Variants in SERGEF observed in about 807,000 individuals in gnomAD.
The protein encoded by SERGEF is secretion-regulating guanine nucleotide exchange factor.
SERGEF carries 51 observed loss-of-function variants against 50.0 expected under a neutral mutation model. The observed-to-expected ratio is 1.02, with a 90% CI of 0.81 to 1.29. The LOEUF is 1.29. Among genes scored for constraint, SERGEF ranks in the 50% most tolerant of loss-of-function variants. The probability of loss-of-function intolerance (pLI) is 0.00; values close to 1 mark genes in which losing one functional copy is unlikely to be tolerated. For synonymous variants in SERGEF, 205 were observed against 212.4 expected, an observed-to-expected ratio of 0.97 and a Z score of 0.30; for missense variants, 521 against 557.0, an observed-to-expected ratio of 0.94 and a Z score of 0.65.
intron 9 of SERGEF, among the ~76,000 whole-genome samples, chr11:17,910,187 A>ACTCT (rs1341010777): frequency 1.6e-4 from 19 of 119,566 alleles, no homozygotes; most frequent in African/African-American, 5.8e-4. Flanking sequence ...ACACACACAC[A>ACTCT]CACACACTCT....
In SERGEF at chr11:17,930,504, C is replaced by T. The variant is rs549896392; in HGVS notation, c.1011+28966G>A. Among the ~76,000 whole-genome samples the T allele has an allele frequency of 3.3e-5, 5 of 152,304 alleles. No individual in the cohort carries two copies. In the East Asian group the frequency reaches 9.7e-4, roughly 29 times the overall value. On this transcript the variant is annotated intron_variant, in intron 9 of 10. Coordinates refer to ENST00000265965, the MANE Select transcript of SERGEF (RefSeq NM_012139.4). ...AGCCTACAGATGGAGGATCCAATGG[C>T]TGCAGCCATGGGGAGAAGATGGCAG...
At chr11:17,841,578 T>G (rs1197271396) in intron 10 of SERGEF, among the ~76,000 whole-genome samples, 9 of 152,202 alleles carry the variant, frequency 5.9e-5, no homozygotes, top group African/African-American at 2.2e-4. Flanking sequence ...CATCCACTTT[T>G]GCACCCTCCA....
intron 8 of SERGEF, among the ~76,000 whole-genome samples, chr11:17,983,709 G>C (rs1853537409): frequency 7.4e-6 from 1 of 136,034 alleles, no homozygotes; most frequent in Non-Finnish European, 1.6e-5. Flanking sequence ...TACCAAAAAA[G>C]AGCACAAAAG....
At chr11:17,922,102 A>G (rs1852167888) in intron 9 of SERGEF, among the ~76,000 whole-genome samples, 1 of 152,204 alleles carries the variant, frequency 6.6e-6, no homozygotes, top group African/African-American at 2.4e-5. Context: ...AAGTTACCCA[A>G]TGGCAACGTC....
Position 17,808,040 on chromosome 11 carries a change from G to A in SERGEF, c.1049-19627C>T, listed in dbSNP as rs1849794422. ...ACAAGATTAGTGTCCCCTAATCTGA[G>A]AGTTTCTTGGGGCTAAAGGCCTGAG... On this transcript the variant is annotated intron_variant, in intron 10 of 10. Coordinates refer to ENST00000265965, the MANE Select transcript of SERGEF (RefSeq NM_012139.4). 2.6e-5 allele frequency among the ~76,000 whole-genome samples: 4 copies of A among 152,148 alleles called. No individual in the cohort carries two copies. In the South Asian group the frequency reaches 8.3e-4, roughly 32 times the overall value.
intron 8 of SERGEF, among the ~76,000 whole-genome samples, chr11:17,986,298 A>C (rs978011005): frequency 5.3e-5 from 8 of 152,220 alleles, no homozygotes; most frequent in Admixed American, 6.5e-5. Flanking sequence ...TGAATCATGT[A>C]ACCGGAAACT....
chr11:17,810,602 C>T (rs1849850728), intron 10 of SERGEF, among the ~76,000 whole-genome samples: 1 of 152,188 alleles, frequency 6.6e-6, no homozygotes, highest in Non-Finnish European at 1.5e-5. Flanking sequence ...GATGAGCTTC[C>T]CATGAACTTT....
At chr11:17,816,441 G>C (rs1053073002) in intron 10 of SERGEF, among the ~76,000 whole-genome samples, 22 of 152,150 alleles carry the variant, frequency 1.4e-4, no homozygotes, top group Admixed American at 1.1e-3. Flanking sequence ...CTCTCCAAAG[G>C]GCTGGAACAT....
intron 10 of SERGEF, among the ~76,000 whole-genome samples, chr11:17,803,582 T>C (rs114602886): frequency 1.4e-4 from 21 of 152,188 alleles, no homozygotes; most frequent in African/African-American, 4.6e-4. Context: ...TAAACGAATA[T>C]GTAAAGTGCC....
intron 9 of SERGEF, among the ~76,000 whole-genome samples, chr11:17,882,496 C>T (rs1357996334): frequency 6.6e-6 from 1 of 152,082 alleles, no homozygotes; most frequent in Admixed American, 6.5e-5. Flanking sequence ...CTTCTTCAGG[C>T]AGAGCCAGCT....
intron 10 of SERGEF, chr11:17,855,853 C>T (rs1270865093): frequency 6.6e-6 from 1 of 152,230 alleles, no homozygotes; most frequent in East Asian, 1.9e-4. Flanking sequence ...ACAACTGAAA[C>T]ATATCACTGC....
At chr11:17,887,967 C>T (rs1851462475) in intron 9 of SERGEF, among the ~76,000 whole-genome samples, 1 of 152,178 alleles carries the variant, frequency 6.6e-6, no homozygotes, top group South Asian at 2.1e-4. Flanking sequence ...ACGGCTGCTT[C>T]CCATCGCTCA....
At chr11:17,943,481 A>G (rs772397479) in intron 9 of SERGEF, among the ~76,000 whole-genome samples, 3 of 152,278 alleles carry the variant, frequency 2.0e-5, no homozygotes, top group Non-Finnish European at 2.9e-5. Context: ...TAGTCCAGGT[A>G]GGGCTTTATC....
chr11:17,830,783 T>C (rs1850294433), intron 10 of SERGEF, among the ~76,000 whole-genome samples: 1 of 150,526 alleles, frequency 6.6e-6, no homozygotes, highest in African/African-American at 2.4e-5. Context: ...CTCTTACACG[T>C]CCCACCTCTT....
chr11:17,995,081 A>G (rs1213830073), intron 6 of SERGEF, among the ~76,000 whole-genome samples: 2 of 152,158 alleles, frequency 1.3e-5, no homozygotes, highest in African/African-American at 4.8e-5. Context: ...AAGGCCCACA[A>G]GGAGAGCAGA....
At chr11:17,822,133 T>A (rs1357168856) in intron 10 of SERGEF, among the ~76,000 whole-genome samples, 2 of 152,198 alleles carry the variant, frequency 1.3e-5, no homozygotes, top group Non-Finnish European at 2.9e-5. Flanking sequence ...CACCAGCATC[T>A]GGCTCAGGCT....
At chr11:17,911,326 A>ATT (rs1173539114) in intron 9 of SERGEF, among the ~76,000 whole-genome samples, 2 of 146,326 alleles carry the variant, frequency 1.4e-5, no homozygotes, top group Non-Finnish European at 3.0e-5. Flanking sequence ...TTTTATATAT[A>ATT]TTATATATAT....
At chr11:17,867,252 T>C (rs1397742695) in intron 10 of SERGEF, among the ~76,000 whole-genome samples, 2 of 152,224 alleles carry the variant, frequency 1.3e-5, no homozygotes, top group African/African-American at 2.4e-5. Flanking sequence ...GCTTCTTAGA[T>C]ACAATGGGGG....
chr11:17,937,882 C>T (rs533968462), intron 9 of SERGEF, among the ~76,000 whole-genome samples: 27 of 152,254 alleles, frequency 1.8e-4, no homozygotes, highest in Admixed American at 1.6e-3. Flanking sequence ...AATATCTCTA[C>T]CCACAGGATA....
Sources: gnomAD v4.1 joint callset for allele counts (sites outside exome capture counted in the v4.1 genomes callset) on GRCh38, gnomAD v4.1.1 for gene constraint, MANE v1.5 for transcripts, NCBI Gene and HGNC (gene_info 2026-07-23, HGNC 2026-07-21) for gene names.